Variants in UBE2F observed in about 807,000 individuals in gnomAD.
UBE2F encodes NEDD8-conjugating enzyme UBE2F.
In UBE2F, 5 loss-of-function variants were observed where a neutral mutation model predicts 29.6. That is an observed-to-expected ratio of 0.17 (90% CI 0.09 to 0.36). The LOEUF (loss-of-function observed/expected upper bound fraction) is 0.36, where lower values mean the gene tolerates loss of function less well. Among genes scored for constraint, UBE2F ranks in the 10% least tolerant of loss-of-function variants. The probability of loss-of-function intolerance (pLI) is 1.00; values close to 1 mark genes in which losing one functional copy is unlikely to be tolerated. For missense variants in UBE2F, 141 were observed against 228.5 expected (o/e 0.62, Z 2.47); for synonymous variants, 66 against 81.8 (o/e 0.81, Z 1.04).
chr2:238,022,998 G>T (rs566925448), intron 5 of UBE2F, among the ~76,000 whole-genome samples: 1 of 152,222 alleles, frequency 6.6e-6, no homozygotes, highest in Non-Finnish European at 1.5e-5. Flanking sequence ...GTGTGAAGGG[G>T]ACAGGAGGAA....
chr2:237,986,338 AAAG>A (rs1334754399), intron 2 of UBE2F: 1 of 171,680 alleles, frequency 5.8e-6, no homozygotes, highest in African/African-American at 2.4e-5. Flanking sequence ...TTTGTTTAAA[AAAG>A]AAAGGTTTTG....
intron 2 of UBE2F, among the ~76,000 whole-genome samples, chr2:237,976,099 C>T (rs1313951493): frequency 2.0e-5 from 3 of 152,234 alleles, no homozygotes; most frequent in African/African-American, 7.2e-5. Context: ...GTCTGTTGTG[C>T]TGGAGGCTTT....
rs192199498 is a variant in UBE2F at position 237,988,012 on chromosome 2, A to G, written c.148+20A>G. ...TACCTTGTAAGTATAGCATCCCCAAACACTAAGTACTGTGAAATAATTGCA... is the reference window on the plus strand; with the variant it reads ...TACCTTGTAAGTATAGCATCCCCAAGCACTAAGTACTGTGAAATAATTGCA... On this transcript the variant is annotated intron_variant, in intron 3 of 9. Transcript: ENST00000272930. 3.8e-5 allele frequency: 56 copies of G among 1,462,926 alleles called. No individual in the cohort carries two copies. The African/African-American group carries it at 7.2e-4, about 19-fold the overall frequency. 90.6% of individuals were successfully genotyped at this position (1,462,926 alleles called of 1,614,324 possible).
intron 4 of UBE2F, among the ~76,000 whole-genome samples, chr2:238,015,106 A>C (rs1257258150): frequency 6.6e-6 from 1 of 152,248 alleles, no homozygotes; most frequent in Non-Finnish European, 1.5e-5. Context: ...GAAACCATTA[A>C]ATTACTAGAA....
At chr2:238,030,959 T>C (rs1026699031) in intron 7 of UBE2F, among the ~76,000 whole-genome samples, 1 of 152,196 alleles carries the variant, frequency 6.6e-6, no homozygotes, top group African/African-American at 2.4e-5. Flanking sequence ...GGCCACTAGG[T>C]GTTGGAGGAG....
intron 2 of UBE2F, among the ~76,000 whole-genome samples, chr2:237,981,614 CTTTTTTTTTT>C (rs139270010): frequency 3.2e-4 from 20 of 62,364 alleles, no homozygotes; most frequent in Admixed American, 1.4e-3. Context: ...AATTTGAATT[CTTTTTTTTTT>C]TTTTTTTTTT....
intron 2 of UBE2F, among the ~76,000 whole-genome samples, chr2:237,974,151 G>A (rs1290468674): frequency 7.1e-6 from 1 of 140,532 alleles, no homozygotes; most frequent in East Asian, 2.0e-4. Flanking sequence ...CCGCCACCAC[G>A]CCCAGCTCAT....
chr2:238,016,481 C>T, intron 4 of UBE2F, 85 bp from the exon 5 acceptor site: 1 of 1,172,428 alleles, frequency 8.5e-7, no homozygotes, highest in Non-Finnish European at 1.2e-6. Context: ...CTGTATTTGC[C>T]ATATCCTAAC....
chr2:238,032,314 A>T (rs952232779), intron 8 of UBE2F, 60 bp downstream of exon 8: 4 of 1,421,416 alleles, frequency 2.8e-6, no homozygotes, highest in Admixed American at 3.4e-5. Flanking sequence ...GGTTTTAGAC[A>T]TTGCGTTAAG....
intron 4 of UBE2F, among the ~76,000 whole-genome samples, chr2:238,001,640 AC>A (rs1266673680): frequency 9.9e-5 from 15 of 151,770 alleles, no homozygotes; most frequent in African/African-American, 3.4e-4. Context: ...ACATGGTGAA[AC>A]CCCGTCTCTC....
intron 1 of UBE2F, among the ~76,000 whole-genome samples, chr2:237,970,848 A>C (rs1365610503): frequency 1.3e-5 from 2 of 152,066 alleles, no homozygotes; most frequent in Non-Finnish European, 2.9e-5. Flanking sequence ...GCTGGGATTT[A>C]CAGGCACCCG....
At chr2:237,999,287 C>G (rs1288555982) in intron 4 of UBE2F, among the ~76,000 whole-genome samples, 4 of 152,106 alleles carry the variant, frequency 2.6e-5, no homozygotes, top group Non-Finnish European at 4.4e-5. Flanking sequence ...CCAGGATGGT[C>G]TCAAACTCTT....
intron 4 of UBE2F, among the ~76,000 whole-genome samples, chr2:238,009,716 ACACT>A (rs1271161343): frequency 6.6e-6 from 1 of 152,136 alleles, no homozygotes; most frequent in Non-Finnish European, 1.5e-5. Flanking sequence ...GCCTCCGCTC[ACACT>A]CACTTCCTCT....
intron 4 of UBE2F, among the ~76,000 whole-genome samples, chr2:237,999,598 T>C (rs2063752142): frequency 6.6e-6 from 1 of 152,204 alleles, no homozygotes. Context: ...TCTATCTAGA[T>C]ATCCAGCTGT....
At chr2:238,014,568 A>G (rs961932770) in intron 4 of UBE2F, among the ~76,000 whole-genome samples, 4 of 152,252 alleles carry the variant, frequency 2.6e-5, no homozygotes, top group African/African-American at 7.2e-5. Context: ...ATAGCATGGC[A>G]GGATGGAATG....
chr2:238,030,535 C>T, intron 6 of UBE2F, 21 bp from the exon 7 acceptor site: 14 of 1,607,416 alleles, frequency 8.7e-6, no homozygotes, highest in Non-Finnish European at 1.2e-5. Context: ...TCACTAACCA[C>T]TGTGTGTTTG....
At chr2:237,984,043 C>A (rs1445961732) in intron 2 of UBE2F, among the ~76,000 whole-genome samples, 2 of 151,644 alleles carry the variant, frequency 1.3e-5, no homozygotes, top group Non-Finnish European at 2.9e-5. Context: ...CCCTACTCCT[C>A]CTCTTCTTAC....
chr2:238,024,048 C>T (rs986858574), intron 5 of UBE2F, among the ~76,000 whole-genome samples: 13 of 152,228 alleles, frequency 8.5e-5, no homozygotes, highest in African/African-American at 2.4e-4. Context: ...CCATCTGAAA[C>T]GATGGCAGAA....
chr2:238,041,846 C>T lies in UBE2F; in HGVS notation c.*508C>T, dbSNP rs987266770. 1.9e-5 allele frequency: 3 copies of T among 153,870 alleles called. No individual in the cohort carries two copies. Among genetic ancestry groups the T allele is most frequent in the African/African-American group, 7.2e-5 (3 of 41,492 alleles). 9.5% of individuals were successfully genotyped at this position (153,870 alleles called of 1,614,324 possible). Reference sequence around the variant, plus strand: ...AGATGTTGTGAAGCCTCCCAGAATGCATAGAGTCATTCACTGTAGATCTCT... The same window carrying T: ...AGATGTTGTGAAGCCTCCCAGAATGTATAGAGTCATTCACTGTAGATCTCT... On this transcript the variant is annotated 3_prime_UTR_variant, in exon 10 of 10. Coordinates refer to ENST00000272930, the MANE Select transcript of UBE2F (RefSeq NM_080678.3).
Sources: allele counts gnomAD v4.1 joint callset (sites outside exome capture counted in the v4.1 genomes callset), GRCh38; gene constraint gnomAD v4.1.1; transcripts MANE v1.5; gene names NCBI Gene and HGNC (gene_info 2026-07-23, HGNC 2026-07-21).